PDPK1: variants seen among roughly 807,000 people sequenced by gnomAD.
PDPK1 encodes 3-phosphoinositide dependent protein kinase 1, also known as 3-phosphoinositide-dependent protein kinase 1.
PDPK1 carries 7 observed loss-of-function variants against 39.8 expected under a neutral mutation model. That is an observed-to-expected ratio of 0.18 (90% CI 0.10 to 0.33). The LOEUF (loss-of-function observed/expected upper bound fraction) is 0.33. PDPK1 is among the 10% of genes least tolerant of loss of function. The pLI is 1.00. For missense variants in PDPK1, 182 were observed against 384.7 expected, an observed-to-expected ratio of 0.47 and a Z score of 4.41; for synonymous variants, 118 against 159.1, an observed-to-expected ratio of 0.74 and a Z score of 1.95.
At chr16:2,538,547 C>G in intron 1 of PDPK1, 1 of 1,046,730 alleles carries the variant, frequency 9.6e-7, no homozygotes, top group Non-Finnish European at 1.3e-6. Context: ...CTTGGCGCCT[C>G]CGCCTGCGAG....
chr16:2,594,165 A>G (rs1015636008), intron 11 of PDPK1: 1 of 152,378 alleles, frequency 6.6e-6, no homozygotes, highest in Admixed American at 6.5e-5. Flanking sequence ...TCTTCTCACA[A>G]GTGCTGTTGG....
At chr16:2,539,297 C>G (rs2066199745) in intron 1 of PDPK1, 1 of 154,392 alleles carries the variant, frequency 6.5e-6, no homozygotes, top group Admixed American at 6.4e-5. Flanking sequence ...CCAGGCTGGT[C>G]TGGAACTCCT....
chr16:2,598,591 C>T lies in PDPK1; in HGVS notation c.*824C>T. On this transcript the variant is annotated 3_prime_UTR_variant, in exon 14 of 14. Coordinates refer to ENST00000342085, the MANE Select transcript of PDPK1 (RefSeq NM_002613.5). The stretch of plus-strand genomic sequence containing the variant: ...GAGCCCAGTTAGTACCCCGCTGGCT[C>T]ACTGCACGAGAGAGTCCTGCCCCGA... 1 of 233,442 alleles carries T rather than the reference C, an allele frequency of 4.3e-6. No homozygotes were observed. Among genetic ancestry groups the T allele is most frequent in the Non-Finnish European group, 8.5e-6 (1 of 118,156 alleles). The allele number at this position is 233,442 out of a possible 1,614,324, so 14.5% of individuals were successfully genotyped here.
Position 2,602,598 on chromosome 16 carries a change from T to TGTAA in PDPK1, c.*4838_*4841dup, listed in dbSNP as rs3030674. ...TGCTGGTAAAAGCCTCTATTACGAC[T>TGTAA]GTAAGTAAGTTGGATGTTGGCAAAA... On this transcript the variant is annotated 3_prime_UTR_variant, in exon 14 of 14. Transcript: ENST00000342085. 1.1e-4 allele frequency: 25 copies of TGTAA among 234,812 alleles called. No individual in the cohort carries two copies. The highest frequency in any genetic ancestry group is 6.8e-5 in the Non-Finnish European group (8 of 118,074). The allele number at this position is 234,812 out of a possible 1,614,324, so 14.5% of individuals were successfully genotyped here. A position where few individuals can be genotyped will look rare whatever the true frequency, so the allele number is the denominator to read the frequency against.
chr16:2,597,334 G>A lies in PDPK1; in HGVS notation c.1554+59G>A. The stretch of plus-strand genomic sequence containing the variant: ...GTAATGGGAGGGCTTTGCACCACGT[G>A]GGAAGCAGCCACAGGCCTTGGCCAG... On this transcript the variant is annotated intron_variant, in intron 13 of 13. Coordinates refer to ENST00000342085, the MANE Select transcript of PDPK1 (RefSeq NM_002613.5). The surrounding 1 kb of genome is among the most constrained non-coding windows in gnomAD (Gnocchi z 6.3). 6.9e-7 allele frequency: 1 copy of A among 1,449,650 alleles called. No individual in the cohort carries two copies. Among genetic ancestry groups the A allele is most frequent in the Non-Finnish European group, 9.4e-7 (1 of 1,062,048 alleles). The allele number at this position is 1,449,650 out of a possible 1,614,324, so 89.8% of individuals were successfully genotyped here.
chr16:2,552,834 G>A (rs1452769723), intron 1 of PDPK1, among the ~76,000 whole-genome samples: 1 of 132,124 alleles, frequency 7.6e-6, no homozygotes, highest in Admixed American at 7.3e-5. Context: ...AGGGGGTCCT[G>A]TCCTGAGTGG....
At chr16:2,544,426 G>A (rs1306319895) in intron 1 of PDPK1, among the ~76,000 whole-genome samples, 1 of 152,214 alleles carries the variant, frequency 6.6e-6, no homozygotes. Flanking sequence ...TTACTGGACT[G>A]AGGATGAACC....
chr16:2,587,448 A>G (rs902974897), intron 11 of PDPK1, among the ~76,000 whole-genome samples: 5 of 152,128 alleles, frequency 3.3e-5, no homozygotes, highest in Non-Finnish European at 7.4e-5. Context: ...TCCTGTGTTC[A>G]TGACCATTTG....
rs2067128396 is a variant in PDPK1, at chr16:2,597,533, C to T, written c.1555-118C>T. 6.4e-6 allele frequency: 5 copies of T among 785,560 alleles called. No homozygotes were observed. In the Admixed American group the frequency reaches 9.2e-5, roughly 14 times the overall value. The allele number at this position is 785,560 out of a possible 1,614,324, so 48.7% of individuals were successfully genotyped here. Reference sequence around the variant, plus strand: ...AGTTGCTTACTGCTTGTGTGAATAACCGTCACACCCACGTGCTTTCAGGAC... The same window carrying T: ...AGTTGCTTACTGCTTGTGTGAATAATCGTCACACCCACGTGCTTTCAGGAC... On this transcript the variant is annotated intron_variant, in intron 13 of 13. Transcript: ENST00000342085. The surrounding 1 kb of genome is among the most constrained non-coding windows in gnomAD (Gnocchi z 6.3).
intron 12 of PDPK1, among the ~76,000 whole-genome samples, chr16:2,596,429 C>T (rs535621720): frequency 1.3e-5 from 2 of 152,232 alleles, no homozygotes; most frequent in African/African-American, 2.4e-5. Context: ...CTCCTGACCT[C>T]GTGATCCACC....
At chr16:2,594,857 C>G (rs1178240578) in intron 11 of PDPK1, among the ~76,000 whole-genome samples, 1 of 152,074 alleles carries the variant, frequency 6.6e-6, no homozygotes, top group Non-Finnish European at 1.5e-5. Context: ...CACAGTGGCT[C>G]ACGCCTATAA....
intron 10 of PDPK1, among the ~76,000 whole-genome samples, chr16:2,586,210 C>T (rs1412027918): frequency 6.6e-6 from 1 of 152,224 alleles, no homozygotes; most frequent in Non-Finnish European, 1.5e-5. Flanking sequence ...AAATATTTAG[C>T]ATCTACCACA....
chr16:2,592,212 G>T (rs910227136), intron 11 of PDPK1, among the ~76,000 whole-genome samples: 2 of 152,150 alleles, frequency 1.3e-5, no homozygotes, highest in African/African-American at 4.8e-5. Context: ...CTGCGCTTTG[G>T]CATCGGGAAA....
At chr16:2,545,703 T>C (rs937284968) in intron 1 of PDPK1, among the ~76,000 whole-genome samples, 2 of 152,156 alleles carry the variant, frequency 1.3e-5, no homozygotes, top group Non-Finnish European at 2.9e-5. Context: ...CCATCTTGGC[T>C]AGGCTGGTCG....
chr16:2,580,411 T>G (rs1426015826), intron 7 of PDPK1, among the ~76,000 whole-genome samples: 5 of 146,008 alleles, frequency 3.4e-5, no homozygotes, highest in African/African-American at 1.3e-4. Context: ...TCTGCTGGGC[T>G]GAGTGAGAGG....
intron 11 of PDPK1, among the ~76,000 whole-genome samples, chr16:2,595,589 T>C (rs1381597753): frequency 1.3e-5 from 2 of 152,230 alleles, no homozygotes; most frequent in African/African-American, 2.4e-5. Context: ...GCAGGCTCCG[T>C]TGCAAATACG....
intron 11 of PDPK1, chr16:2,594,125 G>T (rs1242616325): frequency 2.0e-5 from 3 of 152,440 alleles, no homozygotes; most frequent in Non-Finnish European, 4.4e-5. Flanking sequence ...CCTGGGGGAA[G>T]ATGCTGTGCC....
chr16:2,588,867 T>G (rs1247508007), intron 11 of PDPK1, among the ~76,000 whole-genome samples: 2 of 152,208 alleles, frequency 1.3e-5, no homozygotes, highest in African/African-American at 4.8e-5. Flanking sequence ...TCTCTGTGCG[T>G]GTATGGTGAG....
chr16:2,586,294 G>A (rs939412897), intron 10 of PDPK1, among the ~76,000 whole-genome samples: 1 of 152,234 alleles, frequency 6.6e-6, no homozygotes, highest in African/African-American at 2.4e-5. Context: ...CTGTGTGATG[G>A]ATCTGCCACC....
Sources: gnomAD v4.1 joint callset for allele counts (sites outside exome capture counted in the v4.1 genomes callset) on GRCh38, gnomAD v4.1.1 for gene constraint, Gnocchi (gnomAD v3.1) non-coding constraint, MANE v1.5 for transcripts, NCBI Gene and HGNC (gene_info 2026-07-23, HGNC 2026-07-21) for gene names.